Variants in CATSPERT observed in about 807,000 individuals in gnomAD.
CATSPERT encodes the protein catsper channel auxiliary subunit tau, also known as cation channel sperm-associated targeting subunit tau.
At chr2:201,562,650 G>A in the CATSPERT span, among the ~76,000 whole-genome samples, 184 of 147,350 alleles carry the variant, frequency 1.2e-3, no homozygotes, top group African/African-American at 4.4e-3. Flanking sequence ...TTCCTAGGCA[G>A]AGGACCCTGC....
chr2:201,590,228 A>G, the CATSPERT span, among the ~76,000 whole-genome samples: 3 of 151,120 alleles, frequency 2.0e-5, no homozygotes, highest in Non-Finnish European at 2.9e-5. Flanking sequence ...GAGTGAGAAT[A>G]TGTGGCGTTT....
At chr2:201,584,247 G>A in the CATSPERT span, among the ~76,000 whole-genome samples, 59 of 152,176 alleles carry the variant, frequency 3.9e-4, no homozygotes, top group African/African-American at 1.3e-3. Flanking sequence ...CCGTGATCGC[G>A]CCACTGCACT....
At chr2:201,541,527 GA>G in the CATSPERT span, among the ~76,000 whole-genome samples, 1 of 95,952 alleles carries the variant, frequency 1.0e-5, no homozygotes, top group East Asian at 2.7e-4. Flanking sequence ...AGGCTCAGAT[GA>G]TTTTATATAT....
At chr2:201,602,308 A>G in the CATSPERT span, among the ~76,000 whole-genome samples, 1 of 152,144 alleles carries the variant, frequency 6.6e-6, no homozygotes, top group Admixed American at 6.6e-5. Context: ...AATATAGTTC[A>G]TTTATACTAT....
chr2:201,597,354 C>T, the CATSPERT span, among the ~76,000 whole-genome samples: 30 of 152,330 alleles, frequency 2.0e-4, no homozygotes, highest in African/African-American at 7.0e-4. Flanking sequence ...TGTACACACC[C>T]AACTTATTTT....
At chr2:201,522,171 A>C in the CATSPERT span, among the ~76,000 whole-genome samples, 16 of 152,340 alleles carry the variant, frequency 1.1e-4, no homozygotes, top group South Asian at 3.3e-3. Context: ...GTAATTAGCC[A>C]AGAGAAAGAA....
chr2:201,562,531 T>A, the CATSPERT span, among the ~76,000 whole-genome samples: 23 of 150,934 alleles, frequency 1.5e-4, no homozygotes, highest in South Asian at 1.7e-3. Flanking sequence ...TATTTATTTT[T>A]TTTATTGATC....
the CATSPERT span, among the ~76,000 whole-genome samples, chr2:201,539,429 AT>A: frequency 6.9e-6 from 1 of 145,864 alleles, no homozygotes; most frequent in Non-Finnish European, 1.5e-5. Flanking sequence ...GATGTTGAGC[AT>A]TTTTTCATAT....
At chr2:201,506,184 G>A in the CATSPERT span, among the ~76,000 whole-genome samples, 24 of 152,152 alleles carry the variant, frequency 1.6e-4, no homozygotes, top group Non-Finnish European at 2.9e-4. Flanking sequence ...GGAGAATGGC[G>A]CGAACCCGGG....
the CATSPERT span, chr2:201,493,319 T>C: frequency 6.5e-7 from 1 of 1,536,766 alleles, no homozygotes; most frequent in Non-Finnish European, 8.7e-7. Flanking sequence ...TCTTCCTGTA[T>C]AAATTCAGCT....
At chr2:201,581,578 A>G in the CATSPERT span, among the ~76,000 whole-genome samples, 3 of 82,518 alleles carry the variant, frequency 3.6e-5, 1 homozygote, top group African/African-American at 1.4e-4. Context: ...ATATATATAT[A>G]TATATATATA....
the CATSPERT span, among the ~76,000 whole-genome samples, chr2:201,608,897 T>TAAAA: frequency 7.1e-6 from 1 of 140,858 alleles, no homozygotes; most frequent in Non-Finnish European, 1.6e-5. Flanking sequence ...AAAAGTTGAT[T>TAAAA]AAAAAAAAAA....
the CATSPERT span, among the ~76,000 whole-genome samples, chr2:201,588,200 C>T: frequency 1.3e-5 from 2 of 151,892 alleles, no homozygotes; most frequent in Admixed American, 6.6e-5. Flanking sequence ...AAAAAGAAAA[C>T]TTTAGGCCAA....
the CATSPERT span, among the ~76,000 whole-genome samples, chr2:201,520,782 G>A: frequency 6.6e-6 from 1 of 152,066 alleles, no homozygotes; most frequent in East Asian, 1.9e-4. Flanking sequence ...CAAGCTACTA[G>A]GGAGGCTGAG....
At chr2:201,515,998 A>G in the CATSPERT span, among the ~76,000 whole-genome samples, 2 of 152,358 alleles carry the variant, frequency 1.3e-5, no homozygotes, top group South Asian at 4.1e-4. Flanking sequence ...GAAACGTGTT[A>G]TCAGATGATT....
chr2:201,559,096 C>CA, the CATSPERT span, among the ~76,000 whole-genome samples: 6 of 152,200 alleles, frequency 3.9e-5, no homozygotes, highest in Non-Finnish European at 8.8e-5. Flanking sequence ...ATCCCTGGGC[C>CA]AACAGGGTGG....
At chr2:201,497,117 T>C in the CATSPERT span, among the ~76,000 whole-genome samples, 1 of 152,272 alleles carries the variant, frequency 6.6e-6, no homozygotes, top group South Asian at 2.1e-4. Context: ...ATTCAATGAG[T>C]AACATTTTTA....
chr2:201,501,282 T>C, the CATSPERT span, among the ~76,000 whole-genome samples: 18 of 149,528 alleles, frequency 1.2e-4, no homozygotes, highest in African/African-American at 4.4e-4. Context: ...CCTGTAATCC[T>C]AGCTACTCAG....
the CATSPERT span, among the ~76,000 whole-genome samples, chr2:201,501,870 A>G: frequency 6.6e-6 from 1 of 152,256 alleles, no homozygotes; most frequent in East Asian, 1.9e-4. Flanking sequence ...GAATAGACTT[A>G]TAAGTGAAGA....
Sources: gnomAD v4.1 joint callset for allele counts (sites outside exome capture counted in the v4.1 genomes callset) on GRCh38, gnomAD v4.1.1 for gene constraint, MANE v1.5 for transcripts, NCBI Gene and HGNC (gene_info 2026-07-23, HGNC 2026-07-21) for gene names.